Variants in RALGDS observed in about 807,000 individuals in gnomAD.
RALGDS encodes the protein ral guanine nucleotide exchange factor.
Under a neutral mutation model 99.8 loss-of-function variants are expected in RALGDS, and 44 were observed. The ratio of observed to expected loss-of-function variants is 0.44; its 90% CI spans 0.35 to 0.57. The LOEUF (loss-of-function observed/expected upper bound fraction) is 0.57. Among genes scored for constraint, RALGDS ranks in the 20% least tolerant of loss-of-function variants. The probability of loss-of-function intolerance (pLI) is 0.01; values close to 1 mark genes in which losing one functional copy is unlikely to be tolerated. For synonymous variants in RALGDS, 529 were observed against 505.0 expected (o/e 1.05, Z -0.64); for missense variants, 1,022 against 1,203.1 (o/e 0.85, Z 2.23).
At chr9:133,126,927 T>A (rs1832180571) in intron 1 of RALGDS, among the ~76,000 whole-genome samples, 2 of 152,108 alleles carry the variant, frequency 1.3e-5, no homozygotes, top group African/African-American at 2.4e-5. Flanking sequence ...CCTGCTCCCA[T>A]ACCCAGACAC....
At chr9:133,124,303 G>GAC (rs1407440724), upstream of RALGDS, among the ~76,000 whole-genome samples, 1 of 151,230 alleles carries the variant, frequency 6.6e-6, no homozygotes, top group Admixed American at 6.6e-5. Flanking sequence ...TAGAGACGGA[G>GAC]ACACACACAC....
chr9:133,140,854 A>T (rs1832509141), intron 1 of RALGDS, among the ~76,000 whole-genome samples: 1 of 151,852 alleles, frequency 6.6e-6, no homozygotes, highest in Non-Finnish European at 1.5e-5. Context: ...CCGGGGCTGC[A>T]CGCACCTTGG....
chr9:133,109,779 G>C, intron 3 of RALGDS, 58 bp from the exon 4 acceptor site: 1 of 1,455,726 alleles, frequency 6.9e-7, no homozygotes, highest in Non-Finnish European at 9.6e-7. Flanking sequence ...AGGCCCAGGA[G>C]GGCAGGGATT....
rs1183861648 is a variant in RALGDS, at chr9:133,102,047, C to G, written c.2102G>C (p.Gly701Ala). The change falls in exon 15 of 18, where the codon GGG becomes GCG. Residue 701 changes from glycine to alanine, a missense_variant. Gly to Ala is a moderately conservative substitution (Grantham distance 60, BLOSUM62 0). Coordinates refer to ENST00000372050, the MANE Select transcript of RALGDS (RefSeq NM_006266.4). ...CACGCTGAGCGCGTCAGCGATGTCC[C>G]CGCTGCTGAGGTAGGGGCCACACCT... ...QLRCGPYLSS[G>A]DIADALSVHS... 3 of 1,560,518 alleles carry G rather than the reference C, an allele frequency of 1.9e-6. No individual in the cohort carries two copies. Among genetic ancestry groups the G allele is most frequent in the African/African-American group, 1.4e-5 (1 of 73,774 alleles).
chr9:133,105,664 T>C (rs534566180), intron 9 of RALGDS, among the ~76,000 whole-genome samples: 16 of 152,208 alleles, frequency 1.1e-4, no homozygotes, highest in African/African-American at 3.9e-4. Flanking sequence ...CTGATGCCCA[T>C]CTACTCCTCC....
At position 133,110,215 on chromosome 9, in the gene RALGDS, A is replaced by G. The variant is rs571828042; in HGVS notation, c.488+81T>C. The G allele has an allele frequency of 1.7e-5, 24 of 1,389,540 alleles. No individual in the cohort carries two copies. In the Admixed American group the frequency reaches 2.4e-4, roughly 14 times the overall value. 86.1% of individuals were successfully genotyped at this position (1,389,540 alleles called of 1,614,324 possible). The stretch of plus-strand genomic sequence containing the variant: ...AAAGCGAGGCTCAGAGAGGTGAATC[A>G]GCATTGCCAAGACCCGCAGCCAGGT... On this transcript the variant is annotated intron_variant, in intron 3 of 17. Transcript: ENST00000372050.
chr9:133,108,580 G>T, intron 5 of RALGDS, 93 bp downstream of exon 5: 1 of 1,512,944 alleles, frequency 6.6e-7, no homozygotes, highest in South Asian at 1.2e-5. Context: ...CTGGGCCCCT[G>T]ACCCAGCACC....
intron 2 of RALGDS, among the ~76,000 whole-genome samples, chr9:133,111,753 C>T (rs908346986): frequency 3.9e-5 from 6 of 152,208 alleles, no homozygotes; most frequent in African/African-American, 9.7e-5. Flanking sequence ...TGGCAACTTG[C>T]AGAGACCTAA....
upstream of RALGDS, among the ~76,000 whole-genome samples, chr9:133,133,863 G>A (rs866704151): frequency 6.6e-6 from 1 of 152,180 alleles, no homozygotes. Context: ...GGCTGGGTGT[G>A]AGGCCCATTG....
At chr9:133,143,771 T>TAATAATAATAATAATAATAATAATAAC (rs1554745676) in intron 1 of RALGDS, among the ~76,000 whole-genome samples, 1 of 111,624 alleles carries the variant, frequency 9.0e-6, no homozygotes, top group African/African-American at 3.5e-5. Context: ...ATAATAATAA[T>TAATAATAATAATAATAATAATAATAAC]AACAACAACA....
Position 133,100,408 on chromosome 9 carries a change from T to A in RALGDS, c.2455-26A>T, listed in dbSNP as rs192649250. On this transcript the variant is annotated intron_variant, in intron 16 of 17. Coordinates refer to ENST00000372050, the MANE Select transcript of RALGDS (RefSeq NM_006266.4). ...CTGCATCGCGGCGGGGGATGGACCA[T>A]CAGGGAAAAGACCCTGGAGCGGCTC... is the stretch of plus-strand genomic sequence containing the variant. 2.5e-6 allele frequency: 4 copies of A among 1,613,302 alleles called. No individual in the cohort carries two copies. The Admixed American group carries it at 6.7e-5, about 27-fold the overall frequency.
intron 1 of RALGDS, among the ~76,000 whole-genome samples, chr9:133,140,669 G>A (rs1413250976): frequency 1.3e-5 from 2 of 151,986 alleles, no homozygotes; most frequent in African/African-American, 2.4e-5. Flanking sequence ...GGAGGCCAAC[G>A]TGGGGGAGGG....
intron 1 of RALGDS, among the ~76,000 whole-genome samples, chr9:133,117,388 C>T (rs1314977641): frequency 1.3e-5 from 2 of 152,142 alleles, no homozygotes; most frequent in African/African-American, 2.4e-5. Context: ...CCCTGCCCCT[C>T]GGTTGAGATG....
chr9:133,113,426 C>T (rs555385377), intron 1 of RALGDS, among the ~76,000 whole-genome samples: 13 of 152,196 alleles, frequency 8.5e-5, no homozygotes, highest in Non-Finnish European at 1.6e-4. Context: ...GGTCGCCTCC[C>T]ACGCTGGGCT....
At chr9:133,104,981 G>A (rs1386605819) in intron 9 of RALGDS, among the ~76,000 whole-genome samples, 6 of 152,308 alleles carry the variant, frequency 3.9e-5, no homozygotes, top group Non-Finnish European at 1.5e-5. Flanking sequence ...GAGATGGGCA[G>A]TGACTTGCCC....
chr9:133,104,730 T>C, intron 9 of RALGDS: 1 of 227,982 alleles, frequency 4.4e-6, no homozygotes, highest in Non-Finnish European at 8.9e-6. Flanking sequence ...GAGAATCCCT[T>C]GAACCCAGGA....
At chr9:133,129,264 T>C (rs779419840) in intron 1 of RALGDS, 2 of 1,596,258 alleles carry the variant, frequency 1.3e-6, no homozygotes, top group South Asian at 2.2e-5. Flanking sequence ...ACAGAGCCCT[T>C]CCTCCCCCTG....
chr9:133,143,038 G>A (rs117637089), intron 1 of RALGDS, among the ~76,000 whole-genome samples: 591 of 152,360 alleles, frequency 3.9e-3, no homozygotes, highest in Non-Finnish European at 7.3e-3. Flanking sequence ...CTTGCAGAGT[G>A]CTGAGCAGAT....
chr9:133,109,799 G>A, intron 3 of RALGDS, 78 bp from the exon 4 acceptor site: 1 of 1,114,152 alleles, frequency 9.0e-7, no homozygotes, highest in Non-Finnish European at 1.4e-6. Flanking sequence ...TTTTTTTTTT[G>A]CTTTTTTTCA....
Sources: gnomAD v4.1 joint callset for allele counts (sites outside exome capture counted in the v4.1 genomes callset) on GRCh38, gnomAD v4.1.1 for gene constraint, MANE v1.5 for transcripts, NCBI Gene and HGNC (gene_info 2026-07-23, HGNC 2026-07-21) for gene names.